The following FHIT variants were observed in gnomAD, a reference collection of about 807,000 sequenced individuals.
FHIT encodes fragile histidine triad diadenosine triphosphatase.
FHIT carries 19 observed loss-of-function variants against 17.9 expected under a neutral mutation model. The ratio of observed to expected loss-of-function variants is 1.06; its 90% CI spans 0.74 to 1.56. FHIT has a LOEUF of 1.56. FHIT is among the 40% of genes most tolerant of loss of function. The probability of loss-of-function intolerance (pLI) is 0.00; values close to 1 mark genes in which losing one functional copy is unlikely to be tolerated. For missense variants in FHIT, 248 were observed against 189.2 expected (o/e 1.31, Z -1.82); for synonymous variants, 81 against 69.7 (o/e 1.16, Z -0.81).
intron 5 of FHIT, among the ~76,000 whole-genome samples, chr3:60,312,593 T>A (rs1452596887): frequency 6.6e-6 from 1 of 152,168 alleles, no homozygotes; most frequent in Non-Finnish European, 1.5e-5. Flanking sequence ...GCTTCTGATT[T>A]AACAGTTCTG....
chr3:60,561,912 G>C (rs2036963622), intron 4 of FHIT, among the ~76,000 whole-genome samples: 2 of 151,386 alleles, frequency 1.3e-5, no homozygotes, highest in South Asian at 4.2e-4. Context: ...AAAGAAAAGA[G>C]AGAGAAAGAG....
At chr3:59,933,176 C>T (rs1045482986) in intron 7 of FHIT, among the ~76,000 whole-genome samples, 3 of 152,114 alleles carry the variant, frequency 2.0e-5, no homozygotes, top group African/African-American at 7.2e-5. Context: ...GGCTTTGCAT[C>T]TAGAGAAATG....
intron 3 of FHIT, among the ~76,000 whole-genome samples, chr3:60,933,874 AT>A (rs1291574943): frequency 1.3e-5 from 2 of 151,896 alleles, no homozygotes; most frequent in South Asian, 4.2e-4. Flanking sequence ...TCAAATGTTG[AT>A]TTTCTTCAGA....
At chr3:59,953,334 G>C (rs182446749) in intron 7 of FHIT, among the ~76,000 whole-genome samples, 33 of 151,764 alleles carry the variant, frequency 2.2e-4, no homozygotes, top group African/African-American at 8.0e-4. Flanking sequence ...GCGTGCATTG[G>C]GTCCTTGTGT....
chr3:60,995,916 T>C (rs750453488), intron 3 of FHIT, among the ~76,000 whole-genome samples: 4 of 152,202 alleles, frequency 2.6e-5, no homozygotes, highest in African/African-American at 4.8e-5. Flanking sequence ...AAAATTACAG[T>C]AGCTACTCTT....
At chr3:60,265,965 C>T (rs1281777535) in intron 5 of FHIT, among the ~76,000 whole-genome samples, 1 of 151,694 alleles carries the variant, frequency 6.6e-6, no homozygotes, top group East Asian at 1.9e-4. Flanking sequence ...TGCAGGTGAT[C>T]ATGTAAAATG....
intron 5 of FHIT, among the ~76,000 whole-genome samples, chr3:60,508,250 G>A (rs893111477): frequency 7.2e-5 from 11 of 152,162 alleles, no homozygotes; most frequent in African/African-American, 2.4e-4. Context: ...TGTGAATACA[G>A]TATTGCATGT....
At chr3:60,306,968 A>G (rs1334586850) in intron 5 of FHIT, among the ~76,000 whole-genome samples, 2 of 152,170 alleles carry the variant, frequency 1.3e-5, no homozygotes, top group African/African-American at 4.8e-5. Flanking sequence ...ATAATTAGGC[A>G]AAAATCTGAC....
chr3:60,410,322 C>A (rs1702017093), intron 5 of FHIT, among the ~76,000 whole-genome samples: 1 of 151,890 alleles, frequency 6.6e-6, no homozygotes, highest in Admixed American at 6.6e-5. Context: ...GTTAAGGGTA[C>A]TAAAGAAAAG....
At position 59,838,453 on chromosome 3, in the gene FHIT, C is replaced by T. The variant is rs143037953; in HGVS notation, c.348+83893G>A. On this transcript the variant is annotated intron_variant, in intron 8 of 9. Transcript: ENST00000492590. ...CTGCTGTTCTTCCCACTTGGAATGTCGTTCCTAGCCTCTGCATAGACTCAA... is the reference window on the plus strand; with the variant it reads ...CTGCTGTTCTTCCCACTTGGAATGTTGTTCCTAGCCTCTGCATAGACTCAA... 6.9e-3 allele frequency among the ~76,000 whole-genome samples: 1,051 copies of T among 152,316 alleles called. 11 individuals carry two copies. The highest frequency in any genetic ancestry group is 0.035 in the South Asian group (169 of 4,832).
intron 2 of FHIT, among the ~76,000 whole-genome samples, chr3:61,191,001 C>T (rs554109356): frequency 6.6e-6 from 1 of 151,736 alleles, no homozygotes; most frequent in Non-Finnish European, 1.5e-5. Context: ...TTAATGGGGG[C>T]AGCACACCAA....
chr3:60,228,049 C>T (rs1486855676), intron 5 of FHIT, among the ~76,000 whole-genome samples: 1 of 152,106 alleles, frequency 6.6e-6, no homozygotes, highest in Non-Finnish European at 1.5e-5. Context: ...CCTCTTGCCT[C>T]ACAATAAACA....
chr3:60,368,585 A>G (rs1700202281), intron 5 of FHIT, among the ~76,000 whole-genome samples: 2 of 152,104 alleles, frequency 1.3e-5, no homozygotes, highest in South Asian at 2.1e-4. Flanking sequence ...TGTCAGATAT[A>G]TATATTTCAA....
At chr3:60,279,386 G>C (rs946558448) in intron 5 of FHIT, among the ~76,000 whole-genome samples, 4 of 152,064 alleles carry the variant, frequency 2.6e-5, no homozygotes, top group African/African-American at 9.7e-5. Context: ...ATCTATATCT[G>C]TATCTTTTTA....
At chr3:59,929,578 T>C (rs1358303988) in intron 7 of FHIT, among the ~76,000 whole-genome samples, 1 of 151,992 alleles carries the variant, frequency 6.6e-6, no homozygotes, top group Non-Finnish European at 1.5e-5. Context: ...TTCCACCATG[T>C]TGGCCAGGCT....
At chr3:60,355,329 T>C (rs1699602811) in intron 5 of FHIT, among the ~76,000 whole-genome samples, 1 of 152,226 alleles carries the variant, frequency 6.6e-6, no homozygotes, top group African/African-American at 2.4e-5. Flanking sequence ...AAGATTGTTT[T>C]AGTGGTACAG....
intron 5 of FHIT, among the ~76,000 whole-genome samples, chr3:60,035,650 C>A (rs1028981994): frequency 1.3e-5 from 2 of 152,174 alleles, no homozygotes; most frequent in African/African-American, 4.8e-5. Flanking sequence ...TCAGCCACAC[C>A]TCAACAGATT....
intron 7 of FHIT, among the ~76,000 whole-genome samples, chr3:59,969,066 T>G (rs1328966181): frequency 6.6e-6 from 1 of 152,166 alleles, no homozygotes; most frequent in Admixed American, 6.6e-5. Flanking sequence ...AAATCCATGT[T>G]TCGTTCATTG....
chr3:60,202,095 T>G (rs213303), intron 5 of FHIT, among the ~76,000 whole-genome samples: 21,819 of 152,190 alleles, frequency 0.14, 2,109 homozygotes, highest in Middle Eastern at 0.25. Context: ...TCCATAAAAA[T>G]GAACAAAGTG....
Sources: allele counts gnomAD v4.1 joint callset (sites outside exome capture counted in the v4.1 genomes callset), GRCh38; gene constraint gnomAD v4.1.1; transcripts MANE v1.5; gene names NCBI Gene and HGNC (gene_info 2026-07-23, HGNC 2026-07-21).